Variants in SRL observed in about 807,000 individuals in gnomAD.
SRL encodes the protein sarcalumenin.
A neutral mutation model predicts 39.5 loss-of-function variants in SRL; 23 were observed. The ratio of observed to expected loss-of-function variants is 0.58; its 90% CI spans 0.42 to 0.82. The LOEUF is 0.82. Ranked by LOEUF, SRL falls within the 40% of genes least tolerant of loss-of-function variation. The pLI is 0.00. For missense variants in SRL, 592 were observed against 607.8 expected, an observed-to-expected ratio of 0.97 and a Z score of 0.27; for synonymous variants, 272 against 237.4, an observed-to-expected ratio of 1.15 and a Z score of -1.34.
chr16:4,198,392 C>G (rs1261236653), intron 3 of SRL, among the ~76,000 whole-genome samples: 1 of 152,192 alleles, frequency 6.6e-6, no homozygotes, highest in Non-Finnish European at 1.5e-5. Context: ...CAGCCTGGGG[C>G]TCCCCAAATT....
chr16:4,192,830 G>C lies in SRL; in HGVS notation c.745C>G (p.Gln249Glu), dbSNP rs2052086242. The stretch of plus-strand genomic sequence containing the variant: ...GCCTTGTTCAGGATGATCCTTATCT[G>C]GGATTCACGCCCCTTCAACTGGCGG... ...LFRQLKGRESQIRIILNKADN... is the reference protein window; with the variant it reads ...LFRQLKGRESEIRIILNKADN... The change falls in exon 6 of 6, where the codon CAG becomes GAG. Residue 249 changes from glutamine (Q) to glutamate (E), a missense_variant. Gln to Glu is a conservative substitution (Grantham distance 29, BLOSUM62 2). Transcript: ENST00000399609. The surrounding 1 kb of genome is among the most constrained non-coding windows in gnomAD (Gnocchi z 4.0). 1 of 1,614,142 alleles carries C rather than the reference G, an allele frequency of 6.2e-7. No individual in the cohort carries two copies. The highest frequency in any genetic ancestry group is 8.5e-7 in the Non-Finnish European group (1 of 1,180,020).
At chr16:4,233,676 C>A (rs1349551752) in intron 1 of SRL, among the ~76,000 whole-genome samples, 1 of 152,084 alleles carries the variant, frequency 6.6e-6, no homozygotes, top group Non-Finnish European at 1.5e-5. Context: ...CTGGCCAGGA[C>A]CTCACAGGGC....
chr16:4,225,347 C>A (rs563116650), intron 1 of SRL, among the ~76,000 whole-genome samples: 57 of 152,284 alleles, frequency 3.7e-4, no homozygotes, highest in African/African-American at 1.2e-3. Flanking sequence ...CTCGGTGAGG[C>A]TGAGGTGAGA....
intron 1 of SRL, chr16:4,207,537 G>A (rs1472665903): frequency 6.6e-6 from 3 of 455,974 alleles, no homozygotes; most frequent in Admixed American, 4.7e-5. Context: ...GTGAGGAGAG[G>A]CCCCCTCTGC....
chr16:4,207,209 GCTTCCA>G (rs1567179340), intron 1 of SRL: 3 of 456,880 alleles, frequency 6.6e-6, no homozygotes, highest in South Asian at 4.6e-5. Flanking sequence ...CTTCTTCCTC[GCTTCCA>G]CTTCCATCAC....
intron 5 of SRL, 61 bp from the exon 6 acceptor site, chr16:4,193,025 C>T: frequency 7.1e-7 from 1 of 1,417,124 alleles, no homozygotes; most frequent in East Asian, 2.3e-5. Flanking sequence ...CCGCGCACCT[C>T]CTTTCAGAAC....
chr16:4,194,324 TC>T (rs2052106092), intron 5 of SRL, among the ~76,000 whole-genome samples: 1 of 152,034 alleles, frequency 6.6e-6, no homozygotes, highest in Non-Finnish European at 1.5e-5. Context: ...CATCTCCCCT[TC>T]CCCCCAGCCC....
At chr16:4,218,391 A>C (rs1009992742) in intron 1 of SRL, among the ~76,000 whole-genome samples, 1 of 152,172 alleles carries the variant, frequency 6.6e-6, no homozygotes, top group African/African-American at 2.4e-5. Context: ...GGAGGTCATT[A>C]GCAGTGCTGT....
At chr16:4,204,737 A>G (rs1053693534) in intron 1 of SRL, 103 bp from the exon 2 acceptor site, 1 of 940,536 alleles carries the variant, frequency 1.1e-6, no homozygotes, top group South Asian at 1.4e-5. Flanking sequence ...CAGGGGCTCA[A>G]CAGGGTCTTG....
rs774022693 is a variant in SRL, at chr16:4,193,013, G to A, written c.611-49C>T. ...TCAAACTGAGTAGGCCTCCCTCAAA[G>A]CCCGCGCACCTCCTTTCAGAACTAA... On this transcript the variant is annotated intron_variant, in intron 5 of 5. Transcript: ENST00000399609. 2.0e-6 allele frequency: 3 copies of A among 1,509,314 alleles called. No individual in the cohort carries two copies. The African/African-American group carries it at 4.1e-5, about 21-fold the overall frequency. 93.5% of individuals were successfully genotyped at this position (1,509,314 alleles called of 1,614,324 possible).
In SRL at chr16:4,190,016, C is replaced by G; in HGVS notation, c.*2137G>C. On this transcript the variant is annotated 3_prime_UTR_variant, in exon 6 of 6. Transcript: ENST00000399609. The stretch of plus-strand genomic sequence containing the variant: ...GAAAAGTCCAGGACAGATTCCATCT[C>G]ATCAGCCCCTATCACAGGCTCCGTG... The G allele has an allele frequency of 2.8e-6, 1 of 362,538 alleles. No homozygotes were observed. The highest frequency in any genetic ancestry group is 4.0e-5 in the East Asian group (1 of 24,892). 22.5% of individuals were successfully genotyped at this position (362,538 alleles called of 1,614,324 possible).
chr16:4,206,462 T>C (rs868511), intron 1 of SRL, among the ~76,000 whole-genome samples: 30,741 of 152,132 alleles, frequency 0.2, 3,142 homozygotes, highest in African/African-American at 0.22. Context: ...TGGCATGGGC[T>C]ACGGCGCATC....
chr16:4,210,486 C>CTT (rs555999418), intron 1 of SRL, among the ~76,000 whole-genome samples: 1,845 of 103,864 alleles, frequency 0.018, 167 homozygotes, highest in African/African-American at 0.046. Context: ...TTACTCATAT[C>CTT]TTTTTTTTTT....
At chr16:4,201,152 C>T (rs945098898) in intron 3 of SRL, among the ~76,000 whole-genome samples, 7 of 148,444 alleles carry the variant, frequency 4.7e-5, no homozygotes, top group Admixed American at 6.8e-5. Flanking sequence ...CTCACTCTGT[C>T]GCCCAGGCTG....
chr16:4,236,870 C>T (rs1339575969), intron 1 of SRL, among the ~76,000 whole-genome samples: 1 of 152,034 alleles, frequency 6.6e-6, no homozygotes, highest in African/African-American at 2.4e-5. Flanking sequence ...GTCTCGAACT[C>T]CTGACCTCGT....
At chr16:4,217,889 G>A (rs2052477753) in intron 1 of SRL, among the ~76,000 whole-genome samples, 1 of 152,144 alleles carries the variant, frequency 6.6e-6, no homozygotes, top group East Asian at 1.9e-4. Context: ...GGGTCTGGGG[G>A]CTCAGTCAGG....
chr16:4,203,891 C>A (rs985046208), intron 2 of SRL, among the ~76,000 whole-genome samples: 2 of 152,224 alleles, frequency 1.3e-5, no homozygotes, highest in Admixed American at 1.3e-4. Context: ...AGCACCCTGG[C>A]CCTGGCGTTG....
At chr16:4,220,449 A>G (rs1168112499) in intron 1 of SRL, among the ~76,000 whole-genome samples, 1 of 150,806 alleles carries the variant, frequency 6.6e-6, no homozygotes, top group African/African-American at 2.5e-5. Flanking sequence ...TGTCCTAGAA[A>G]AAAAAAACAC....
chr16:4,192,819 G>T lies in SRL; in HGVS notation c.756C>A (p.Ile252=). ...CCAGATTGTCAGCCTTGTTCAGGAT[G>T]ATCCTTATCTGGGATTCACGCCCCT... ...QLKGRESQIR[I]ILNKADNLAT... The change falls in exon 6 of 6, where the codon ATC becomes ATA. Residue 252 remains isoleucine, a synonymous_variant. Transcript: ENST00000399609. The surrounding 1 kb of genome is among the most constrained non-coding windows in gnomAD (Gnocchi z 4.0). 6.2e-7 allele frequency: 1 copy of T among 1,614,182 alleles called. No individual in the cohort carries two copies. Among genetic ancestry groups the T allele is most frequent in the South Asian group, 1.1e-5 (1 of 91,074 alleles).
Sources: allele counts gnomAD v4.1 joint callset (sites outside exome capture counted in the v4.1 genomes callset), GRCh38; gene constraint gnomAD v4.1.1; non-coding constraint Gnocchi (gnomAD v3.1); transcripts MANE v1.5; gene names NCBI Gene and HGNC (gene_info 2026-07-23, HGNC 2026-07-21).